Variants in SORBS2 observed in about 807,000 individuals in gnomAD.
SORBS2 encodes sorbin and SH3 domain-containing protein 2.
Under a neutral mutation model 97.7 loss-of-function variants are expected in SORBS2, and 46 were observed. That is an observed-to-expected ratio of 0.47 (90% CI 0.37 to 0.60). The LOEUF is 0.60. Among genes scored for constraint, SORBS2 ranks in the 20% least tolerant of loss-of-function variants. The probability of loss-of-function intolerance (pLI) is 0.00; values close to 1 mark genes in which losing one functional copy is unlikely to be tolerated. For missense variants in SORBS2, 1,316 were observed against 1,282.3 expected, an observed-to-expected ratio of 1.03 and a Z score of -0.40; for synonymous variants, 476 against 473.4, an observed-to-expected ratio of 1.01 and a Z score of -0.07.
chr4:185,600,910 T>G (rs1038464732), intron 12 of SORBS2, among the ~76,000 whole-genome samples: 2 of 120,008 alleles, frequency 1.7e-5, no homozygotes, highest in East Asian at 3.1e-4. Context: ...GTTTTGGTGT[T>G]TTTTTTTTAT....
intron 1 of SORBS2, among the ~76,000 whole-genome samples, chr4:185,887,246 T>C (rs922178793): frequency 4.6e-5 from 7 of 152,210 alleles, no homozygotes; most frequent in African/African-American, 1.7e-4. Context: ...TTTCTTTCTG[T>C]TAGTAGAACC....
At chr4:185,791,843 T>G (rs2099081652) in intron 1 of SORBS2, among the ~76,000 whole-genome samples, 1 of 152,246 alleles carries the variant, frequency 6.6e-6, no homozygotes, top group Non-Finnish European at 1.5e-5. Flanking sequence ...CTGGATTCCT[T>G]TTAAACTCCA....
At chr4:185,624,263 T>C (rs1339277863) in exon 7 of SORBS2, 1 of 1,614,094 alleles carries the variant, frequency 6.2e-7, no homozygotes, top group African/African-American at 1.3e-5. Context: ...TAGGAGATCG[T>C]CACAGCTCCG....
chr4:185,908,292 T>TATATATATATATATTTGTATACACACAA (rs1561289400), intron 1 of SORBS2, among the ~76,000 whole-genome samples: 11 of 66,784 alleles, frequency 1.6e-4, no homozygotes, highest in East Asian at 9.7e-4. Flanking sequence ...TATATATATA[T>TATATATATATATATTTGTATACACACAA]ATATATATAT....
At position 185,751,190 on chromosome 4, in the gene SORBS2, A is replaced by G. The variant is rs72703810; in HGVS notation, c.-198+24037T>C. Among the ~76,000 whole-genome samples, 846 of 86,206 alleles carry G rather than the reference A, an allele frequency of 9.8e-3. 41 individuals are homozygous for G. Among genetic ancestry groups the G allele is most frequent in the South Asian group, 0.058 (123 of 2,120 alleles). 56.6% of individuals were successfully genotyped at this position (86,206 alleles called of 152,430 possible). A position where few individuals can be genotyped will look rare whatever the true frequency, so the allele number is the denominator to read the frequency against. The stretch of plus-strand genomic sequence containing the variant: ...TAAATACTAAAAAAAAAAAAAAAAA[A>G]AGAGAAAGAGAGAGAAATTCAGGAA... On this transcript the variant is annotated intron_variant, in intron 2 of 20. Coordinates refer to the SORBS2 transcript ENST00000284776.
chr4:185,751,142 T>C (rs2098796210), intron 2 of SORBS2, among the ~76,000 whole-genome samples: 3 of 101,214 alleles, frequency 3.0e-5, no homozygotes, highest in South Asian at 3.7e-4. Flanking sequence ...TTCCATTAAA[T>C]GGTAAAGGAA....
At chr4:185,605,983 T>TA (rs1277531493) in intron 12 of SORBS2, 6 of 449,376 alleles carry the variant, frequency 1.3e-5, no homozygotes, top group African/African-American at 1.1e-4. Context: ...ACCCAGTTCT[T>TA]AAGTAGTCAA....
chr4:185,613,646 CAA>C (rs35723770), intron 11 of SORBS2, among the ~76,000 whole-genome samples: 1,571 of 85,758 alleles, frequency 0.018, 28 homozygotes, highest in African/African-American at 0.061. Context: ...CACTCCATCT[CAA>C]AAAAAAAAAA....
Position 185,642,124 on chromosome 4 carries a change from C to T in SORBS2, c.396+4544G>A, listed in dbSNP as rs555008161. 3.3e-5 allele frequency among the ~76,000 whole-genome samples: 5 copies of T among 152,162 alleles called. No homozygotes were observed. In the South Asian group the frequency reaches 1.0e-3, roughly 32 times the overall value. On this transcript the variant is annotated intron_variant, in intron 4 of 14. Transcript: ENST00000418609. ...ATTTATTGTGGTTTCACAATAAATG[C>T]TATATACATTATTAGTTGGGATAAT...
chr4:185,729,797 T>C (rs559714162), intron 2 of SORBS2, among the ~76,000 whole-genome samples: 1 of 152,122 alleles, frequency 6.6e-6, no homozygotes, highest in Non-Finnish European at 1.5e-5. Context: ...ACTTATGTAA[T>C]TTTTTTTCAG....
At chr4:185,678,921 A>G (rs1057043840) in intron 2 of SORBS2, 99 bp from the exon 6 acceptor site, 1 of 632,518 alleles carries the variant, frequency 1.6e-6, no homozygotes, top group Non-Finnish European at 2.5e-6. Flanking sequence ...TGTTTTTGCA[A>G]ACATTATTTC....
At chr4:185,896,658 C>T (rs2099245183) in intron 1 of SORBS2, among the ~76,000 whole-genome samples, 1 of 152,108 alleles carries the variant, frequency 6.6e-6, no homozygotes, top group Non-Finnish European at 1.5e-5. Flanking sequence ...TATTTCAATT[C>T]ACTGCTCTTT....
intron 2 of SORBS2, among the ~76,000 whole-genome samples, chr4:185,752,451 AT>A (rs1308958858): frequency 7.9e-5 from 12 of 151,820 alleles, no homozygotes; most frequent in Admixed American, 4.6e-4. Flanking sequence ...AATTTTTTGT[AT>A]TTTTTAGTAG....
intron 5 of SORBS2, among the ~76,000 whole-genome samples, chr4:185,627,545 G>C (rs893122113): frequency 3.3e-5 from 5 of 152,118 alleles, no homozygotes; most frequent in African/African-American, 1.2e-4. Context: ...GCAGTTTTAG[G>C]CTTACAGAAA....
intron 2 of SORBS2, 49 bp downstream of exon 10, chr4:185,652,613 T>C (rs2097333293): frequency 7.1e-7 from 1 of 1,408,390 alleles, no homozygotes; most frequent in Non-Finnish European, 1.0e-6. Flanking sequence ...ACGAATGTAG[T>C]CCCTTCAACC....
intron 2 of SORBS2, among the ~76,000 whole-genome samples, chr4:185,753,375 A>G (rs2098812828): frequency 1.3e-5 from 2 of 152,352 alleles, no homozygotes; most frequent in Admixed American, 1.3e-4. Flanking sequence ...TAAGGATTCA[A>G]TGCAAAATAC....
intron 2 of SORBS2, 92 bp from the exon 3 acceptor site, chr4:185,734,246 A>G (rs2098667069): frequency 6.6e-6 from 1 of 152,478 alleles, no homozygotes. Flanking sequence ...AACTGAGGAC[A>G]ACGTTATCAT....
At chr4:185,628,091 G>A (rs2096847602) in intron 5 of SORBS2, among the ~76,000 whole-genome samples, 1 of 152,110 alleles carries the variant, frequency 6.6e-6, no homozygotes, top group Non-Finnish European at 1.5e-5. Context: ...CCTATTGAAG[G>A]ACATCTTGGT....
chr4:185,630,568 T>C, exon 5 of SORBS2: 1 of 1,599,294 alleles, frequency 6.3e-7, no homozygotes, highest in Non-Finnish European at 8.5e-7. Context: ...CTTTCCAGGC[T>C]TCTGTCTATA....
Sources: gnomAD v4.1 joint callset for allele counts (sites outside exome capture counted in the v4.1 genomes callset) on GRCh38, gnomAD v4.1.1 for gene constraint, MANE v1.5 for transcripts, NCBI Gene and HGNC (gene_info 2026-07-23, HGNC 2026-07-21) for gene names.